Variants in SFMBT1 observed in about 807,000 individuals in gnomAD.
SFMBT1 encodes the protein scm-like with four MBT domains protein 1.
Under a neutral mutation model 108.7 loss-of-function variants are expected in SFMBT1, and 32 were observed. That is an observed-to-expected ratio of 0.29 (90% CI 0.22 to 0.40). SFMBT1 has a LOEUF of 0.40. Among genes scored for constraint, SFMBT1 ranks in the 10% least tolerant of loss-of-function variants. The probability of loss-of-function intolerance (pLI) is 1.00; values close to 1 mark genes in which losing one functional copy is unlikely to be tolerated. For synonymous variants in SFMBT1, 348 were observed against 369.5 expected, an observed-to-expected ratio of 0.94 and a Z score of 0.67; for missense variants, 816 against 1,059.6, an observed-to-expected ratio of 0.77 and a Z score of 3.19.
At chr3:52,968,668 T>C (rs1183466581) in intron 2 of SFMBT1, among the ~76,000 whole-genome samples, 1 of 150,218 alleles carries the variant, frequency 6.7e-6, no homozygotes, top group Non-Finnish European at 1.5e-5. Context: ...GGCGCGATCC[T>C]GGCTCACTGC....
chr3:53,007,342 T>G (rs1466015087), intron 1 of SFMBT1, among the ~76,000 whole-genome samples: 1 of 152,204 alleles, frequency 6.6e-6, no homozygotes, highest in Admixed American at 6.5e-5. Flanking sequence ...TATCAAAAAG[T>G]CACTCTAAGT....
At chr3:53,034,920 C>T (rs1169006002) in intron 1 of SFMBT1, among the ~76,000 whole-genome samples, 1 of 152,220 alleles carries the variant, frequency 6.6e-6, no homozygotes, top group African/African-American at 2.4e-5. Context: ...GTCTGGGCGA[C>T]AGAGCGAGAC....
At chr3:52,941,861 T>G (rs1703194463) in intron 4 of SFMBT1, among the ~76,000 whole-genome samples, 1 of 152,122 alleles carries the variant, frequency 6.6e-6, no homozygotes. Context: ...ATCACGCCAC[T>G]GCACTCCAGC....
intron 1 of SFMBT1, among the ~76,000 whole-genome samples, chr3:53,016,067 T>C (rs144441803): frequency 1.6e-3 from 250 of 152,212 alleles, no homozygotes; most frequent in Admixed American, 5.8e-3. Context: ...ATACTGTCTT[T>C]CTAGCACCCT....
chr3:52,943,413 C>T lies in SFMBT1; in HGVS notation c.304G>A (p.Ala102Thr), dbSNP rs142806347. Residue 102 changes from alanine to threonine, a missense_variant, in exon 4 of 21, where the codon GCT (alanine) becomes ACT (threonine). By Grantham distance (58) the Ala-to-Thr change is moderately conservative. Coordinates refer to ENST00000394752, the MANE Select transcript of SFMBT1 (RefSeq NM_016329.4). ...RADFWCDIRK[A>T]DLYPIGWCEQ... ...CACCACCCAATGGGGTAGAGATCAG[C>T]CTTCCTGATGTCACACCAGAAATCT... is the stretch of plus-strand genomic sequence containing the variant. The T allele has an allele frequency of 1.2e-6, 2 of 1,614,078 alleles. No individual in the cohort carries two copies. The highest frequency in any genetic ancestry group is 2.7e-5 in the African/African-American group (2 of 74,924).
chr3:52,996,471 C>G lies in SFMBT1; in HGVS notation c.-130-27213G>C, dbSNP rs966230194. 6.0e-5 allele frequency among the ~76,000 whole-genome samples: 9 copies of G among 149,886 alleles called. 1 individual carries two copies. The highest frequency in any genetic ancestry group is 1.2e-4 in the Non-Finnish European group (8 of 66,978). Reference sequence around the variant, plus strand: ...TCAAGCGATCTGCCCACCTCAGCCTCCCAAATGCTAGGATTATAGGCATGA... The same window carrying G: ...TCAAGCGATCTGCCCACCTCAGCCTGCCAAATGCTAGGATTATAGGCATGA... On this transcript the variant is annotated intron_variant, in intron 1 of 20. Coordinates refer to ENST00000394752, the MANE Select transcript of SFMBT1 (RefSeq NM_016329.4).
intron 1 of SFMBT1, among the ~76,000 whole-genome samples, chr3:53,030,997 C>A (rs1699665392): frequency 1.3e-5 from 2 of 152,198 alleles, no homozygotes; most frequent in Admixed American, 6.5e-5. Flanking sequence ...CCAATCTTCT[C>A]CATTTCCAAG....
chr3:53,040,967 A>ATTTTTTTTTTTTGTTTTTTTT (rs1559560284), intron 1 of SFMBT1, among the ~76,000 whole-genome samples: 1 of 72,834 alleles, frequency 1.4e-5, no homozygotes, highest in Non-Finnish European at 3.0e-5. Context: ...AAGACACCTG[A>ATTTTTTTTTTTTGTTTTTTTT]ATTTTTTTTT....
intron 20 of SFMBT1, 148 bp downstream of exon 20, chr3:52,905,965 T>A: frequency 1.1e-6 from 1 of 875,134 alleles, no homozygotes; most frequent in Non-Finnish European, 1.7e-6. Context: ...CTTTTTATCA[T>A]CTTTGACTCC....
chr3:52,940,546 C>T (rs1312680972), intron 4 of SFMBT1, among the ~76,000 whole-genome samples: 1 of 152,128 alleles, frequency 6.6e-6, no homozygotes, highest in East Asian at 1.9e-4. Flanking sequence ...TACATATACA[C>T]ATACATACAT....
chr3:53,031,269 A>C (rs1360414491), intron 1 of SFMBT1, among the ~76,000 whole-genome samples: 5 of 152,222 alleles, frequency 3.3e-5, no homozygotes, highest in African/African-American at 4.8e-5. Context: ...TCAGTCACAC[A>C]GGGCAAAGGA....
intron 17 of SFMBT1, among the ~76,000 whole-genome samples, chr3:52,909,568 T>C (rs1458259859): frequency 6.6e-6 from 1 of 152,238 alleles, no homozygotes; most frequent in Admixed American, 6.5e-5. Flanking sequence ...AGGACCCAGA[T>C]ACCCACAGAC....
intron 2 of SFMBT1, among the ~76,000 whole-genome samples, chr3:52,957,521 A>T (rs920681179): frequency 1.3e-5 from 2 of 152,208 alleles, no homozygotes; most frequent in Non-Finnish European, 2.9e-5. Context: ...AATCCTAAGC[A>T]AAAAGAACAA....
intron 1 of SFMBT1, among the ~76,000 whole-genome samples, chr3:53,044,608 C>A (rs1358920431): frequency 6.6e-6 from 1 of 152,212 alleles, no homozygotes; most frequent in East Asian, 1.9e-4. Context: ...CACGTTCAGG[C>A]ATTTTACCCA....
chr3:53,017,712 T>C (rs918367290), intron 1 of SFMBT1, among the ~76,000 whole-genome samples: 6 of 152,204 alleles, frequency 3.9e-5, no homozygotes, highest in Non-Finnish European at 5.9e-5. Flanking sequence ...TCCCTTCTCC[T>C]GCAGCTTATA....
chr3:52,937,449 G>A (rs1486978480), intron 4 of SFMBT1, among the ~76,000 whole-genome samples: 3 of 151,964 alleles, frequency 2.0e-5, no homozygotes, highest in Non-Finnish European at 4.4e-5. Flanking sequence ...CTTTCTAGTT[G>A]CATAAAATAT....
At chr3:52,930,577 A>C in intron 7 of SFMBT1, 147 bp from the exon 8 acceptor site, 5 of 596,328 alleles carry the variant, frequency 8.4e-6, no homozygotes, top group Non-Finnish European at 1.5e-5. Flanking sequence ...TATCCAATAT[A>C]ATTTTCTACT....
At chr3:52,979,801 A>G (rs1484134751) in intron 1 of SFMBT1, among the ~76,000 whole-genome samples, 1 of 152,180 alleles carries the variant, frequency 6.6e-6, no homozygotes, top group Non-Finnish European at 1.5e-5. Context: ...TCGCCACACC[A>G]CATTTGTTCT....
chr3:52,978,855 A>C (rs193121239), intron 1 of SFMBT1, among the ~76,000 whole-genome samples: 191 of 152,320 alleles, frequency 1.3e-3, no homozygotes, highest in Non-Finnish European at 4.3e-4. Context: ...GATAGACACT[A>C]AAGGCCACAT....
Sources: gnomAD v4.1 joint callset for allele counts (sites outside exome capture counted in the v4.1 genomes callset) on GRCh38, gnomAD v4.1.1 for gene constraint, MANE v1.5 for transcripts, NCBI Gene and HGNC (gene_info 2026-07-23, HGNC 2026-07-21) for gene names.